NLGN1: variants seen among roughly 807,000 people sequenced by gnomAD.
NLGN1 encodes neuroligin-1.
A neutral mutation model predicts 65.5 loss-of-function variants in NLGN1; 12 were observed. The observed-to-expected ratio is 0.18, with a 90% CI of 0.12 to 0.30. NLGN1 has a LOEUF of 0.30. Among genes scored for constraint, NLGN1 ranks in the 10% least tolerant of loss-of-function variants. NLGN1 has a pLI of 1.00. For synonymous variants in NLGN1, 350 were observed against 359.5 expected, an observed-to-expected ratio of 0.97 and a Z score of 0.30; for missense variants, 750 against 1,007.1, an observed-to-expected ratio of 0.74 and a Z score of 3.46.
intron 3 of NLGN1, among the ~76,000 whole-genome samples, chr3:173,649,783 A>G (rs777705049): frequency 1.3e-5 from 2 of 152,124 alleles, no homozygotes; most frequent in Non-Finnish European, 2.9e-5. Flanking sequence ...GGTTTCTTGT[A>G]GTTCTTTTGG....
At chr3:173,678,299 C>T (rs1763451285) in intron 3 of NLGN1, among the ~76,000 whole-genome samples, 1 of 152,034 alleles carries the variant, frequency 6.6e-6, no homozygotes, top group African/African-American at 2.4e-5. Flanking sequence ...TTTTAAGAAA[C>T]ATACAGACTG....
intron 3 of NLGN1, among the ~76,000 whole-genome samples, chr3:173,691,004 G>C (rs904875064): frequency 5.3e-5 from 8 of 152,146 alleles, no homozygotes; most frequent in Admixed American, 6.6e-5. Flanking sequence ...AATATATTAA[G>C]TTGATATACC....
chr3:173,795,457 T>C (rs1713831732), intron 3 of NLGN1, among the ~76,000 whole-genome samples: 1 of 152,162 alleles, frequency 6.6e-6, no homozygotes, highest in Non-Finnish European at 1.5e-5. Flanking sequence ...TGAATAAATA[T>C]AGTAATATCA....
intron 4 of NLGN1, among the ~76,000 whole-genome samples, chr3:174,177,443 C>T (rs1729656447): frequency 6.6e-6 from 1 of 152,010 alleles, no homozygotes; most frequent in Middle Eastern, 3.4e-3. Flanking sequence ...TATTGTTTGG[C>T]AATAAATTCT....
chr3:173,592,089 T>C lies in NLGN1; in HGVS notation c.-320-12190T>C, dbSNP rs142596991. ...GTTGCCCATGACTTTTGAATAACATTCTGCCTCATTGATTTTTGCCCCTCT... is the reference window on the plus strand; with the variant it reads ...GTTGCCCATGACTTTTGAATAACATCCTGCCTCATTGATTTTTGCCCCTCT... On this transcript the variant is annotated intron_variant, in intron 2 of 6. Transcript: ENST00000457714. Among the ~76,000 whole-genome samples the C allele has an allele frequency of 2.5e-3, 376 of 152,286 alleles. 2 individuals are homozygous for C. The highest frequency in any genetic ancestry group is 3.9e-3 in the Non-Finnish European group (268 of 68,018).
At chr3:173,432,695 G>C (rs934713741) in intron 1 of NLGN1, among the ~76,000 whole-genome samples, 6 of 151,928 alleles carry the variant, frequency 3.9e-5, no homozygotes, top group Non-Finnish European at 5.9e-5. Context: ...TTCTCTAGTA[G>C]TGTCTTTTGC....
At chr3:173,957,597 G>A (rs962935739) in intron 4 of NLGN1, among the ~76,000 whole-genome samples, 3 of 152,134 alleles carry the variant, frequency 2.0e-5, no homozygotes, top group Admixed American at 6.5e-5. Flanking sequence ...CAATCATTTC[G>A]AGAGATATCA....
intron 4 of NLGN1, among the ~76,000 whole-genome samples, chr3:174,107,692 A>AT (rs1226224023): frequency 6.6e-6 from 1 of 152,046 alleles, no homozygotes; most frequent in Admixed American, 6.6e-5. Flanking sequence ...TTGCATTTTT[A>AT]TTTTTTTAAT....
intron 4 of NLGN1, among the ~76,000 whole-genome samples, chr3:173,986,177 G>C (rs564668562): frequency 6.6e-6 from 1 of 151,724 alleles, no homozygotes; most frequent in Non-Finnish European, 1.5e-5. Flanking sequence ...TATAAAAAAG[G>C]GGAAATTTGG....
chr3:173,908,634 A>G (rs2152212728), intron 4 of NLGN1, among the ~76,000 whole-genome samples: 1 of 152,346 alleles, frequency 6.6e-6, no homozygotes, highest in East Asian at 1.9e-4. Context: ...GAAATCAGGC[A>G]TGGTACAGCC....
chr3:174,008,297 A>G (rs1724853040), intron 4 of NLGN1, among the ~76,000 whole-genome samples: 1 of 152,066 alleles, frequency 6.6e-6, no homozygotes, highest in African/African-American at 2.4e-5. Context: ...TAGCCAAAGC[A>G]TGTTACGTAG....
At chr3:174,010,904 G>A (rs1056827953) in intron 4 of NLGN1, among the ~76,000 whole-genome samples, 1 of 152,044 alleles carries the variant, frequency 6.6e-6, no homozygotes, top group Non-Finnish European at 1.5e-5. Context: ...AACTTTCAAG[G>A]TCAAAGAGGG....
At chr3:174,235,425 T>C (rs1270858330) in intron 4 of NLGN1, among the ~76,000 whole-genome samples, 1 of 152,130 alleles carries the variant, frequency 6.6e-6, no homozygotes, top group Non-Finnish European at 1.5e-5. Context: ...TTAATACAGT[T>C]GCTTGTTCAC....
chr3:173,731,957 A>G (rs1426819676), intron 3 of NLGN1, among the ~76,000 whole-genome samples: 4 of 152,246 alleles, frequency 2.6e-5, no homozygotes, highest in South Asian at 2.1e-4. Context: ...TTATGGTGTT[A>G]AAATAGATGA....
chr3:173,975,753 A>G (rs970298176), intron 4 of NLGN1, among the ~76,000 whole-genome samples: 3 of 151,834 alleles, frequency 2.0e-5, no homozygotes, highest in Non-Finnish European at 4.4e-5. Flanking sequence ...CTCCCACACT[A>G]TCATTTTCTT....
chr3:174,281,218 C>T (rs762741408), exon 7 of NLGN1: 1 of 1,613,172 alleles, frequency 6.2e-7, no homozygotes, highest in Non-Finnish European at 8.5e-7. Context: ...CCCTTACACA[C>T]ATTCAATACA....
At chr3:173,976,192 A>G (rs2152383848) in intron 4 of NLGN1, among the ~76,000 whole-genome samples, 2 of 152,202 alleles carry the variant, frequency 1.3e-5, no homozygotes, top group South Asian at 4.1e-4. Flanking sequence ...GTCCATTTAA[A>G]CTACACCACA....
At chr3:174,100,654 A>G (rs1712220734) in intron 4 of NLGN1, among the ~76,000 whole-genome samples, 1 of 151,988 alleles carries the variant, frequency 6.6e-6, no homozygotes, top group Non-Finnish European at 1.5e-5. Context: ...TTAAGCCACC[A>G]GGCTTCACAT....
chr3:174,015,243 T>G (rs1726315506), intron 4 of NLGN1, among the ~76,000 whole-genome samples: 1 of 152,160 alleles, frequency 6.6e-6, no homozygotes, highest in Admixed American at 6.5e-5. Context: ...CCTTGGTCAG[T>G]TTGGGCTGCC....
Sources: allele counts gnomAD v4.1 joint callset (sites outside exome capture counted in the v4.1 genomes callset), GRCh38; gene constraint gnomAD v4.1.1; transcripts MANE v1.5; gene names NCBI Gene and HGNC (gene_info 2026-07-23, HGNC 2026-07-21).